CD8B2: variants seen among roughly 807,000 people sequenced by gnomAD.
CD8B2 encodes CD8B family member 2.
A neutral mutation model predicts 23.7 loss-of-function variants in CD8B2; 11 were observed. The observed-to-expected ratio is 0.46, with a 90% CI of 0.29 to 0.77. CD8B2 has a LOEUF of 0.77. CD8B2 is among the 30% of genes least tolerant of loss of function. The probability of loss-of-function intolerance (pLI) is 0.09; values close to 1 mark genes in which losing one functional copy is unlikely to be tolerated. For synonymous variants in CD8B2, 90 were observed against 109.3 expected (o/e 0.82, Z 1.10); for missense variants, 197 against 270.5 (o/e 0.73, Z 1.91).
rs140885582 is a variant in CD8B2 at position 106,509,149 on chromosome 2, T to C, written c.*2209T>C. On this transcript the variant is annotated 3_prime_UTR_variant, in exon 6 of 6. Coordinates refer to ENST00000643224, the MANE Select transcript of CD8B2 (RefSeq NM_001349727.2). ...CAGATTCCCTGCCCCCAGACATAGA[T>C]GTTTCTCCTTGATTCAGCACGAATT... 0.13 allele frequency: 19,958 copies of C among 152,210 alleles called. 1,373 individuals carry two copies. The highest frequency in any genetic ancestry group is 0.17 in the Middle Eastern group (51 of 294). 9.4% of individuals were successfully genotyped at this position (152,210 alleles called of 1,614,324 possible). A position where few individuals can be genotyped will look rare whatever the true frequency, so the allele number is the denominator to read the frequency against.
intron 2 of CD8B2, among the ~76,000 whole-genome samples, chr2:106,494,157 T>C (rs1249761758): frequency 9.6e-6 from 1 of 103,700 alleles, no homozygotes. Context: ...CCCCAACACC[T>C]TTTTTTTTTT....
At chr2:106,506,708 A>G (rs1679512822) in intron 5 of CD8B2, among the ~76,000 whole-genome samples, 1 of 151,000 alleles carries the variant, frequency 6.6e-6, no homozygotes, top group African/African-American at 2.4e-5. Context: ...ATTCAAAGCT[A>G]CCGTTCTTTG....
At chr2:106,530,490 C>T (rs896268532) in intron 5 of CD8B2, among the ~76,000 whole-genome samples, 3 of 151,956 alleles carry the variant, frequency 2.0e-5, no homozygotes, top group South Asian at 4.2e-4. Context: ...GCCATTCTCC[C>T]GCCTCAGCCT....
intron 5 of CD8B2, among the ~76,000 whole-genome samples, chr2:106,506,293 A>T (rs946560548): frequency 6.6e-6 from 1 of 151,918 alleles, no homozygotes; most frequent in Non-Finnish European, 1.5e-5. Flanking sequence ...GGGAGGCTGG[A>T]TGCAGGACCT....
At chr2:106,500,455 G>T (rs1321036724) in intron 3 of CD8B2, among the ~76,000 whole-genome samples, 1 of 150,736 alleles carries the variant, frequency 6.6e-6, no homozygotes, top group Non-Finnish European at 1.5e-5. Context: ...GGAGGCAGAG[G>T]TTGCGGTGAG....
chr2:106,500,536 A>ATAAATAAATAAG lies in CD8B2; in HGVS notation c.494-1927_494-1926insGTAAATAAATAA, dbSNP rs1420477614. Among the ~76,000 whole-genome samples, 12 of 149,234 alleles carry ATAAATAAATAAG rather than the reference A, an allele frequency of 8.0e-5. No individual in the cohort carries two copies. In the East Asian group the frequency reaches 2.1e-3, roughly 26 times the overall value. The stretch of plus-strand genomic sequence containing the variant: ...CTCCGTCTCAAAAATAAATAAATAA[A>ATAAATAAATAAG]TAAATAAATAAATAAATAAATAAAT... On this transcript the variant is annotated intron_variant, in intron 3 of 5. Coordinates refer to ENST00000643224, the MANE Select transcript of CD8B2 (RefSeq NM_001349727.2).
downstream of CD8B2, among the ~76,000 whole-genome samples, chr2:106,513,170 A>G (rs1679671136): frequency 1.3e-5 from 2 of 148,338 alleles, no homozygotes; most frequent in African/African-American, 5.0e-5. Flanking sequence ...ACCACTCGGG[A>G]TGTTTACTCT....
chr2:106,494,138 C>A (rs1327302263), intron 2 of CD8B2, among the ~76,000 whole-genome samples: 1 of 151,036 alleles, frequency 6.6e-6, no homozygotes, highest in Non-Finnish European at 1.5e-5. Flanking sequence ...CCTGTTCCCC[C>A]TTACAACCCC....
At chr2:106,536,988 A>C (rs1046534398) in intron 5 of CD8B2, among the ~76,000 whole-genome samples, 3 of 152,306 alleles carry the variant, frequency 2.0e-5, no homozygotes, top group African/African-American at 7.2e-5. Flanking sequence ...CTCTCAGAAG[A>C]ACAAGTTGCT....
At chr2:106,502,840 TG>T (rs1464049478) in intron 4 of CD8B2, among the ~76,000 whole-genome samples, 4 of 151,760 alleles carry the variant, frequency 2.6e-5, no homozygotes, top group Non-Finnish European at 5.9e-5. Flanking sequence ...CTGCCTCAGA[TG>T]GGGGTAGGAC....
chr2:106,521,048 G>GAC (rs1487192762), intron 5 of CD8B2, among the ~76,000 whole-genome samples: 1 of 149,510 alleles, frequency 6.7e-6, no homozygotes, highest in Non-Finnish European at 1.5e-5. Flanking sequence ...GAGAGAGAGA[G>GAC]AAAGAGAGAG....
At chr2:106,490,561 T>A (rs1426813979) in intron 1 of CD8B2, among the ~76,000 whole-genome samples, 1 of 152,240 alleles carries the variant, frequency 6.6e-6, no homozygotes, top group South Asian at 2.1e-4. Flanking sequence ...CAAAGCCAGT[T>A]TGAGGCTTGA....
downstream of CD8B2, among the ~76,000 whole-genome samples, chr2:106,511,713 C>T (rs1025615349): frequency 8.5e-5 from 13 of 152,276 alleles, no homozygotes; most frequent in African/African-American, 2.2e-4. Context: ...TCTTCAGAGG[C>T]CTTCCAAAAG....
Position 106,507,499 on chromosome 2 carries a change from G to A in CD8B2, c.*559G>A, listed in dbSNP as rs998792969. 4.4e-5 allele frequency: 43 copies of A among 985,244 alleles called. No individual in the cohort carries two copies. Among genetic ancestry groups the A allele is most frequent in the South Asian group, 3.8e-4 (8 of 21,282 alleles). 61.0% of individuals were successfully genotyped at this position (985,244 alleles called of 1,614,324 possible). A position where few individuals can be genotyped will look rare whatever the true frequency, so the allele number is the denominator to read the frequency against. On this transcript the variant is annotated 3_prime_UTR_variant, in exon 6 of 6. Coordinates refer to ENST00000643224, the MANE Select transcript of CD8B2 (RefSeq NM_001349727.2). ...GCTTCCTTTGGGGCCGGGAACTTGCGGGTTTGAGGATAGGAGTTCACTTCA... is the reference window on the plus strand; with the variant it reads ...GCTTCCTTTGGGGCCGGGAACTTGCAGGTTTGAGGATAGGAGTTCACTTCA...
intron 2 of CD8B2, among the ~76,000 whole-genome samples, chr2:106,493,250 G>A (rs1035747460): frequency 3.3e-5 from 5 of 152,298 alleles, no homozygotes; most frequent in South Asian, 4.1e-4. Flanking sequence ...GAAAGTGTTT[G>A]GGGAGAGACA....
intron 5 of CD8B2, among the ~76,000 whole-genome samples, chr2:106,505,432 C>G (rs1486387492): frequency 7.0e-6 from 1 of 142,590 alleles, no homozygotes; most frequent in Non-Finnish European, 1.6e-5. Flanking sequence ...TCGGATTTCT[C>G]GTCTGTTAAA....
chr2:106,520,889 A>C (rs1679814227), intron 5 of CD8B2, among the ~76,000 whole-genome samples: 1 of 107,676 alleles, frequency 9.3e-6, no homozygotes. Flanking sequence ...CAAAACAAAA[A>C]AGAGCAGAGG....
downstream of CD8B2, among the ~76,000 whole-genome samples, chr2:106,514,677 G>A (rs555086444): frequency 5.3e-5 from 8 of 151,208 alleles, no homozygotes; most frequent in African/African-American, 1.5e-4. Context: ...CTGGTCAGAC[G>A]CTCCTGATGG....
At chr2:106,515,926 G>A (rs1300268668), downstream of CD8B2, among the ~76,000 whole-genome samples, 4 of 151,886 alleles carry the variant, frequency 2.6e-5, no homozygotes, top group South Asian at 2.1e-4. Flanking sequence ...GGGTTCAAGC[G>A]ATTCTCCTGC....
Sources: gnomAD v4.1 joint callset for allele counts (sites outside exome capture counted in the v4.1 genomes callset) on GRCh38, gnomAD v4.1.1 for gene constraint, MANE v1.5 for transcripts, NCBI Gene and HGNC (gene_info 2026-07-23, HGNC 2026-07-21) for gene names.